The following CEP162 variants were observed in gnomAD, a reference collection of about 807,000 sequenced individuals.
The protein encoded by CEP162 is centrosomal protein 162.
In CEP162, 141 loss-of-function variants were observed where a neutral mutation model predicts 169.2. That is an observed-to-expected ratio of 0.83 (90% CI 0.73 to 0.96). The LOEUF (loss-of-function observed/expected upper bound fraction) is 0.96, where lower values mean the gene tolerates loss of function less well. Ranked by LOEUF, CEP162 falls within the 40% of genes least tolerant of loss-of-function variation. The pLI is 0.00. For synonymous variants in CEP162, 540 were observed against 526.4 expected (o/e 1.03, Z -0.35); for missense variants, 1,600 against 1,587.2 (o/e 1.01, Z -0.14).
intron 19 of CEP162, 102 bp downstream of exon 19, chr6:84,163,042 A>T: frequency 9.2e-7 from 1 of 1,091,836 alleles, no homozygotes; most frequent in Non-Finnish European, 1.3e-6. Flanking sequence ...AATATACTTC[A>T]AGGAGTAGCA....
chr6:84,191,802 G>C (rs1203519408), intron 11 of CEP162, among the ~76,000 whole-genome samples: 3 of 152,130 alleles, frequency 2.0e-5, no homozygotes, highest in Non-Finnish European at 4.4e-5. Context: ...TATCCTGGCA[G>C]AGACTGACTA....
chr6:84,199,834 A>G (rs566291486), intron 9 of CEP162, among the ~76,000 whole-genome samples: 1 of 152,336 alleles, frequency 6.6e-6, no homozygotes, highest in Admixed American at 6.5e-5. Context: ...AATAGTTTCT[A>G]ATTTCAAAAA....
intron 5 of CEP162, among the ~76,000 whole-genome samples, 194 bp downstream of exon 5, chr6:84,215,088 C>A (rs1275914120): frequency 1.3e-5 from 2 of 152,174 alleles, no homozygotes; most frequent in Non-Finnish European, 2.9e-5. Context: ...GCAGCATGGG[C>A]TCTCAAATAC....
At chr6:84,143,688 A>G (rs534457569) in intron 25 of CEP162, among the ~76,000 whole-genome samples, 1 of 152,142 alleles carries the variant, frequency 6.6e-6, no homozygotes, top group African/African-American at 2.4e-5. Context: ...CTAAAACAGA[A>G]TATGTTTATT....
chr6:84,177,394 CAA>C (rs151244813), intron 13 of CEP162, among the ~76,000 whole-genome samples: 5,749 of 152,222 alleles, frequency 0.038, 166 homozygotes, highest in Admixed American at 0.092. Context: ...GAAACTGAGA[CAA>C]AGAGAGATTA....
At chr6:84,173,187 G>A (rs1390842872) in intron 16 of CEP162, among the ~76,000 whole-genome samples, 1 of 152,156 alleles carries the variant, frequency 6.6e-6, no homozygotes, top group Non-Finnish European at 1.5e-5. Context: ...AAAATAACAG[G>A]TAACTTTCAT....
chr6:84,190,785 GAGACCAAGAACCCACCAATTCCAGAC>G (rs2099539570), intron 11 of CEP162, among the ~76,000 whole-genome samples: 1 of 152,240 alleles, frequency 6.6e-6, no homozygotes, highest in Non-Finnish European at 1.5e-5. Context: ...AGAAGTCAGT[GAGACCAAGAACCCACCAATTCCAGAC>G]ACACTGGGAC....
chr6:84,207,713 T>TGA (rs1554183435), intron 6 of CEP162, among the ~76,000 whole-genome samples: 3 of 148,688 alleles, frequency 2.0e-5, no homozygotes, highest in African/African-American at 7.4e-5. Context: ...ACTTAAAGTA[T>TGA]AAAAAAAAAA....
intron 17 of CEP162, among the ~76,000 whole-genome samples, chr6:84,169,924 G>T (rs150227435): frequency 6.6e-6 from 1 of 152,070 alleles, no homozygotes; most frequent in Non-Finnish European, 1.5e-5. Context: ...TTCCACATAA[G>T]ATCATCTAAC....
chr6:84,216,524 G>C (rs1010083246), intron 3 of CEP162, among the ~76,000 whole-genome samples: 1 of 152,082 alleles, frequency 6.6e-6, no homozygotes, highest in African/African-American at 2.4e-5. Flanking sequence ...ATACTGTTGG[G>C]GACGGGAGGG....
chr6:84,141,114 T>C (rs1410485098), intron 25 of CEP162, among the ~76,000 whole-genome samples: 1 of 151,762 alleles, frequency 6.6e-6, no homozygotes, highest in African/African-American at 2.4e-5. Flanking sequence ...ACTCGCCCCC[T>C]GCTCATCTGC....
chr6:84,174,108 CT>C lies in CEP162; in HGVS notation c.2105del (p.Lys702SerfsTer2), dbSNP rs2099531305. 4 of 1,611,864 alleles carry C rather than the reference CT, an allele frequency of 2.5e-6. No individual in the cohort carries two copies. Among genetic ancestry groups the C allele is most frequent in the Non-Finnish European group, 3.4e-6 (4 of 1,178,612 alleles). On this transcript the variant is annotated frameshift_variant, in exon 16 of 27. Coordinates refer to ENST00000403245, the MANE Select transcript of CEP162 (RefSeq NM_014895.4). LOFTEE classifies it high-confidence loss of function. ...GEAADPVTGE[K>X]LKQIQKEIQE... ...GTATTTCTTTTTGGATTTGCTTCAA[CT>C]TTTCTCCAGTGACAGGATCAGCTGC... is the stretch of plus-strand genomic sequence containing the variant.
intron 9 of CEP162, among the ~76,000 whole-genome samples, chr6:84,197,634 G>A (rs1387422513): frequency 6.6e-6 from 1 of 151,942 alleles, no homozygotes; most frequent in Non-Finnish European, 1.5e-5. Flanking sequence ...CCAACATGGT[G>A]AAACCTCGTC....
intron 13 of CEP162, among the ~76,000 whole-genome samples, chr6:84,180,408 A>G (rs1301844291): frequency 1.3e-5 from 2 of 152,022 alleles, no homozygotes; most frequent in East Asian, 1.9e-4. Flanking sequence ...GGCAAAAACT[A>G]GAAGCATTCC....
intron 21 of CEP162, among the ~76,000 whole-genome samples, chr6:84,160,252 AT>A (rs2099525221): frequency 6.6e-6 from 1 of 152,216 alleles, no homozygotes; most frequent in Non-Finnish European, 1.5e-5. Context: ...CCTAAAACAA[AT>A]ACTTAAATAA....
intron 13 of CEP162, among the ~76,000 whole-genome samples, chr6:84,181,103 A>G (rs1369669051): frequency 6.6e-6 from 1 of 152,212 alleles, no homozygotes; most frequent in Non-Finnish European, 1.5e-5. Context: ...ACTTCAAACT[A>G]TACTACAAGG....
At chr6:84,171,821 G>A (rs2099530258) in intron 16 of CEP162, 103 bp from the exon 17 acceptor site, 1 of 429,764 alleles carries the variant, frequency 2.3e-6, no homozygotes. Flanking sequence ...GGCCTTTTAA[G>A]TTTCTTTAGC....
chr6:84,181,048 C>A (rs1429501362), intron 13 of CEP162, among the ~76,000 whole-genome samples: 2 of 152,204 alleles, frequency 1.3e-5, no homozygotes, highest in Non-Finnish European at 2.9e-5. Flanking sequence ...ATAGCCAAGA[C>A]AATCCTAAGC....
At position 84,186,529 on chromosome 6, in the gene CEP162, C is replaced by T. The variant is rs765549899; in HGVS notation, c.1204G>A (p.Val402Met). Residue 402 changes from valine (V) to methionine (M), a missense_variant, in exon 12 of 27, where the codon GTG becomes ATG. Coordinates refer to ENST00000403245, the MANE Select transcript of CEP162 (RefSeq NM_014895.4). ...PNILSQDSQH[V>M]NLFFDKNDEN... ...TCATTTTTGTCAAAAAAAAGGTTCA[C>T]ATGTTGTGAGTCTTGAGACAAAATA... 6.2e-7 allele frequency: 1 copy of T among 1,613,050 alleles called. No individual in the cohort carries two copies. The highest frequency in any genetic ancestry group is 8.5e-7 in the Non-Finnish European group (1 of 1,179,308).
Sources: gnomAD v4.1 joint callset for allele counts (sites outside exome capture counted in the v4.1 genomes callset) on GRCh38, gnomAD v4.1.1 for gene constraint, MANE v1.5 for transcripts, NCBI Gene and HGNC (gene_info 2026-07-23, HGNC 2026-07-21) for gene names.